PAXIP1: variants seen among roughly 807,000 people sequenced by gnomAD.
PAXIP1 encodes PAX interacting protein 1.
In PAXIP1, 19 loss-of-function variants were observed where a neutral mutation model predicts 140.6. The observed-to-expected ratio is 0.14, with a 90% confidence interval of 0.09 to 0.20. The LOEUF is 0.20. Ranked by LOEUF, PAXIP1 falls within the 10% of genes least tolerant of loss-of-function variation. The pLI is 1.00. For synonymous variants in PAXIP1, 442 were observed against 444.6 expected (o/e 0.99, Z 0.07); for missense variants, 920 against 1,208.6 (o/e 0.76, Z 3.54).
In PAXIP1 at chr7:154,943,925, A is replaced by G. The variant is rs912502926; in HGVS notation, c.*224T>C. On this transcript the variant is annotated 3_prime_UTR_variant, in exon 21 of 21. Coordinates refer to ENST00000404141, the MANE Select transcript of PAXIP1 (RefSeq NM_007349.4). The stretch of plus-strand genomic sequence containing the variant: ...ATCATAAAACCTAATGTGGGCTCTT[A>G]AAGTCATATAATACAAAACATAATT... 16 of 531,822 alleles carry G rather than the reference A, an allele frequency of 3.0e-5. No individual in the cohort carries two copies. Among genetic ancestry groups the G allele is most frequent in the Non-Finnish European group, 5.2e-5 (15 of 285,992 alleles). The allele number at this position is 531,822 out of a possible 1,614,324, so 32.9% of individuals were successfully genotyped here.
intron 2 of PAXIP1, among the ~76,000 whole-genome samples, chr7:154,994,130 G>A (rs1298676245): frequency 6.6e-6 from 1 of 151,982 alleles, no homozygotes; most frequent in Non-Finnish European, 1.5e-5. Context: ...CCTCTCATAC[G>A]CTCCCTTCTT....
In PAXIP1 at chr7:154,976,098, T is replaced by G; in HGVS notation, c.672A>C (p.Gln224His). Residue 224 changes from glutamine (Q) to histidine (H), a missense_variant, in exon 6 of 21, where the codon CAA becomes CAC. Physicochemically the swap from Gln to His is conservative, Grantham distance 24. Transcript: ENST00000404141. ...TDEKSSPASS[Q>H]EGSPSGDQQF... ...GCTGGTCACCTGAAGGAGACCCTTC[T>G]TGAGAGCTGGCAGGGCTTGACTTCT... 2 of 1,574,568 alleles carry G rather than the reference T, an allele frequency of 1.3e-6. No individual in the cohort carries two copies. The highest frequency in any genetic ancestry group is 1.7e-6 in the Non-Finnish European group (2 of 1,158,344).
In PAXIP1 at chr7:154,954,382, C is replaced by A; in HGVS notation, c.2694G>T (p.Gln898His). ...TGCTGGCAATGAGGTGTGTGCACTT[C>A]TGTGCAGACTCCGCAACCTCTCCAC... ...ILGGEVAESA[Q>H]KCTHLIASKV... The change falls in exon 16 of 21, where the codon CAG (glutamine) becomes CAT (histidine). Residue 898 changes from glutamine to histidine, a missense_variant. This residue lies in a region of PAXIP1 where 303 missense variants were observed against 517.9 expected (regional missense o/e 0.59). Coordinates refer to ENST00000404141, the MANE Select transcript of PAXIP1 (RefSeq NM_007349.4). The surrounding 1 kb of genome is among the most constrained non-coding windows in gnomAD (Gnocchi z 5.1). The A allele has an allele frequency of 6.3e-7, 1 of 1,595,036 alleles. No homozygotes were observed. The highest frequency in any genetic ancestry group is 2.3e-5 in the East Asian group (1 of 44,436).
At chr7:154,960,068 G>C (rs145152777) in intron 12 of PAXIP1, 135 bp from the exon 13 acceptor site, 2 of 611,826 alleles carry the variant, frequency 3.3e-6, no homozygotes, top group Non-Finnish European at 5.8e-6. Flanking sequence ...ATAAATGTAA[G>C]TACTATAATG....
chr7:155,000,601 T>C (rs1341937042), intron 1 of PAXIP1: 1 of 152,246 alleles, frequency 6.6e-6, no homozygotes, highest in African/African-American at 2.4e-5. Context: ...TCAGTTTCCA[T>C]TCACTCTTCA....
At position 154,992,824 on chromosome 7, in the gene PAXIP1, CAAG is replaced by C. The variant is rs143632476; in HGVS notation, c.260+899_260+901del. Among the ~76,000 whole-genome samples, 1,368 of 152,236 alleles carry C rather than the reference CAAG, an allele frequency of 9.0e-3. 22 individuals carry two copies. The highest frequency in any genetic ancestry group is 0.031 in the African/African-American group (1,293 of 41,518). ...AGTTGCTAAAGTTCTACACATCCTCCAAGAAGAACTGCTTGTAGAGGAATGTTT... is the reference window on the plus strand; with the variant it reads ...AGTTGCTAAAGTTCTACACATCCTCCAAGAACTGCTTGTAGAGGAATGTTT... On this transcript the variant is annotated intron_variant, in intron 3 of 20. Transcript: ENST00000404141.
chr7:154,946,940 C>A lies in PAXIP1; in HGVS notation c.2923-127G>T. ...CAAATTTTATGACATTATGAAGGTACTATTCTCCTACTAGCACTCAATCTG... is the reference window on the plus strand; with the variant it reads ...CAAATTTTATGACATTATGAAGGTAATATTCTCCTACTAGCACTCAATCTG... On this transcript the variant is annotated intron_variant, in intron 17 of 20. Coordinates refer to ENST00000404141, the MANE Select transcript of PAXIP1 (RefSeq NM_007349.4). The surrounding 1 kb of genome is among the most constrained non-coding windows in gnomAD (Gnocchi z 4.9). 1.5e-6 allele frequency: 1 copy of A among 652,522 alleles called. No homozygotes were observed. The highest frequency in any genetic ancestry group is 2.6e-6 in the Non-Finnish European group (1 of 388,218). 40.4% of individuals were successfully genotyped at this position (652,522 alleles called of 1,614,324 possible).
At chr7:154,945,397 G>T in intron 20 of PAXIP1, 2 of 284,186 alleles carry the variant, frequency 7.0e-6, no homozygotes, top group Non-Finnish European at 1.1e-5. Context: ...TAATTAACTG[G>T]ATGAATGTCA....
chr7:154,946,523 G>A lies in PAXIP1; in HGVS notation c.3122C>T (p.Ala1041Val). ...GCGGGGAAACGTACCTATGCCTCTG[G>A]CAAAATATTCTCGGCATAAATGAAG... ...NDLHLCREYF[A>V]RGIDVHNAEF... Residue 1041 changes from alanine (A) to valine (V), a missense_variant, in exon 19 of 21, where the codon GCC (alanine) becomes GTC (valine). Ala to Val is a moderately conservative substitution (Grantham distance 64). Around this residue, in one of 5 missense-constraint regions of PAXIP1, gnomAD observed 303 missense variants for 517.9 expected, o/e 0.59. Transcript: ENST00000404141. The surrounding 1 kb of genome is among the most constrained non-coding windows in gnomAD (Gnocchi z 4.9). 2.5e-6 allele frequency: 4 copies of A among 1,613,804 alleles called. No homozygotes were observed. The highest frequency in any genetic ancestry group is 2.5e-6 in the Non-Finnish European group (3 of 1,179,734).
intron 4 of PAXIP1, among the ~76,000 whole-genome samples, chr7:154,989,697 T>C (rs935242662): frequency 1.3e-5 from 2 of 152,252 alleles, no homozygotes; most frequent in Non-Finnish European, 2.9e-5. Context: ...TACAAAAATA[T>C]TAAATATTCA....
intron 20 of PAXIP1, chr7:154,944,977 TACTTC>T (rs1482594031): frequency 7.1e-6 from 1 of 141,596 alleles, no homozygotes; most frequent in African/African-American, 2.6e-5. Context: ...AGGCAAATTT[TACTTC>T]TTTTTTTTTT....
intron 20 of PAXIP1, chr7:154,944,593 G>A (rs1400420504): frequency 1.3e-5 from 2 of 154,534 alleles, no homozygotes; most frequent in South Asian, 2.0e-4. Flanking sequence ...AATTCATCAA[G>A]CTATGGATAT....
intron 6 of PAXIP1, among the ~76,000 whole-genome samples, chr7:154,970,462 CT>C (rs1476820167): frequency 2.6e-5 from 4 of 152,206 alleles, no homozygotes; most frequent in African/African-American, 9.7e-5. Flanking sequence ...CTAAAATCAC[CT>C]TATGTATGAG....
chr7:154,975,786 T>C lies in PAXIP1; in HGVS notation c.984A>G (p.Ile328Met). Residue 328 changes from isoleucine (I) to methionine (M), a missense_variant, in exon 6 of 21, where the codon ATA becomes ATG. Physicochemically the swap from Ile to Met is conservative, Grantham distance 10. Around this residue, in one of 5 missense-constraint regions of PAXIP1, gnomAD observed 419 missense variants for 514.7 expected, o/e 0.81. Coordinates refer to ENST00000404141, the MANE Select transcript of PAXIP1 (RefSeq NM_007349.4). ...TCCGTACAGCTGGACTCCAGGTAGC[T>C]ATCATTTCTGATCTTTCAGAACTTT... is the stretch of plus-strand genomic sequence containing the variant. Reference protein sequence around the residue: ...NLQSSERSEMIATWSPAVRTL... With the variant: ...NLQSSERSEMMATWSPAVRTL... The C allele has an allele frequency of 1.9e-6, 3 of 1,613,962 alleles. No homozygotes were observed. The highest frequency in any genetic ancestry group is 1.7e-5 in the Admixed American group (1 of 60,028).
chr7:154,947,378 G>A (rs1323258012), intron 17 of PAXIP1: 4 of 154,996 alleles, frequency 2.6e-5, no homozygotes, highest in African/African-American at 9.7e-5. Context: ...TTAAAGAACC[G>A]ATTATCTTTA....
chr7:154,967,895 A>C lies in PAXIP1; in HGVS notation c.1814T>G (p.Phe605Cys). ...AATTGCAAACACACATCCCAATAAG[A>C]AGCCTTCTTCTGGAACTAGAGTAAA... ...DPAVEIPEEG[F>C]LLGCVFAIAD... is the part of the protein sequence containing the mutation. Residue 605 changes from phenylalanine to cysteine, a missense_variant, in exon 8 of 21, where the codon TTC becomes TGC. Phe to Cys is a radical substitution (Grantham distance 205, BLOSUM62 -2). Coordinates refer to ENST00000404141, the MANE Select transcript of PAXIP1 (RefSeq NM_007349.4). 4 of 1,612,406 alleles carry C rather than the reference A, an allele frequency of 2.5e-6. No individual in the cohort carries two copies. Among genetic ancestry groups the C allele is most frequent in the Non-Finnish European group, 3.4e-6 (4 of 1,178,810 alleles).
At chr7:154,972,350 G>A (rs11243327) in intron 6 of PAXIP1, among the ~76,000 whole-genome samples, 1 of 151,878 alleles carries the variant, frequency 6.6e-6, no homozygotes, top group African/African-American at 2.4e-5. Flanking sequence ...TTAGCCGGGC[G>A]TGGTAATGGG....
intron 3 of PAXIP1, 24 bp from the exon 4 acceptor site, chr7:154,991,093 C>T (rs1563388390): frequency 7.6e-7 from 1 of 1,321,078 alleles, no homozygotes; most frequent in Non-Finnish European, 1.0e-6. Context: ...ATTAAGATTA[C>T]AATGAAATAA....
At chr7:154,960,077 T>C (rs1808692603) in intron 12 of PAXIP1, 144 bp from the exon 13 acceptor site, 1 of 597,148 alleles carries the variant, frequency 1.7e-6, no homozygotes, top group Non-Finnish European at 3.0e-6. Flanking sequence ...AGTACTATAA[T>C]GAAGTTTTAA....
Sources: allele counts gnomAD v4.1 joint callset (sites outside exome capture counted in the v4.1 genomes callset), GRCh38; gene constraint gnomAD v4.1.1; regional missense constraint gnomAD v4.1.1; non-coding constraint Gnocchi (gnomAD v3.1); transcripts MANE v1.5; gene names NCBI Gene and HGNC (gene_info 2026-07-23, HGNC 2026-07-21).